The following DLGAP1 variants were observed in gnomAD, a reference collection of about 807,000 sequenced individuals.
The protein encoded by DLGAP1 is DLG associated protein 1, also known as disks large-associated protein 1.
DLGAP1 carries 11 observed loss-of-function variants against 90.8 expected under a neutral mutation model. The ratio of observed to expected loss-of-function variants is 0.12; its 90% CI spans 0.08 to 0.20. The LOEUF is 0.20. DLGAP1 is among the 10% of genes least tolerant of loss of function. DLGAP1 has a pLI of 1.00. For synonymous variants in DLGAP1, 558 were observed against 540.7 expected (o/e 1.03, Z -0.44); for missense variants, 1,050 against 1,333.8 (o/e 0.79, Z 3.31).
intron 3 of DLGAP1, among the ~76,000 whole-genome samples, chr18:3,909,844 C>T (rs566273353): frequency 6.6e-6 from 1 of 152,200 alleles, no homozygotes; most frequent in South Asian, 2.1e-4. Flanking sequence ...TTATTACCTA[C>T]ATAATTTTCT....
chr18:4,453,780 T>C (rs1200671893), intron 1 of DLGAP1, among the ~76,000 whole-genome samples: 5 of 152,320 alleles, frequency 3.3e-5, no homozygotes, highest in Admixed American at 6.5e-5. Context: ...TCACGTGTTA[T>C]GGAAGGAGGC....
chr18:3,881,079 C>T (rs375551994), intron 3 of DLGAP1, among the ~76,000 whole-genome samples: 31 of 149,306 alleles, frequency 2.1e-4, no homozygotes, highest in African/African-American at 7.6e-4. Context: ...CTGGATGTAT[C>T]GTTCTCTTGC....
chr18:3,888,834 T>G (rs151032677), intron 3 of DLGAP1, among the ~76,000 whole-genome samples: 260 of 152,344 alleles, frequency 1.7e-3, no homozygotes, highest in African/African-American at 5.8e-3. Flanking sequence ...TATTTTGGAC[T>G]GACAGAGTTC....
At chr18:4,098,554 G>T (rs1378236057) in intron 2 of DLGAP1, among the ~76,000 whole-genome samples, 1 of 152,022 alleles carries the variant, frequency 6.6e-6, no homozygotes, top group Non-Finnish European at 1.5e-5. Context: ...CTTAAAGAAA[G>T]AACAAATGGG....
intron 10 of DLGAP1, among the ~76,000 whole-genome samples, chr18:3,522,954 T>G (rs2051310227): frequency 6.6e-6 from 1 of 152,174 alleles, no homozygotes. Context: ...AGGGAAAGGT[T>G]CCTCAACATT....
intron 1 of DLGAP1, among the ~76,000 whole-genome samples, chr18:4,430,394 T>G (rs1432474042): frequency 6.6e-6 from 1 of 152,156 alleles, no homozygotes; most frequent in African/African-American, 2.4e-5. Flanking sequence ...TTTTGTGACC[T>G]TGGACATGTT....
At chr18:3,535,633 G>A (rs746232044) in intron 9 of DLGAP1, among the ~76,000 whole-genome samples, 7 of 150,232 alleles carry the variant, frequency 4.7e-5, no homozygotes, top group Non-Finnish European at 8.9e-5. Context: ...GCATGAACCC[G>A]GGAGGCGGAG....
chr18:4,017,911 C>T (rs954147271), intron 2 of DLGAP1, among the ~76,000 whole-genome samples: 3 of 151,702 alleles, frequency 2.0e-5, no homozygotes, highest in African/African-American at 7.3e-5. Flanking sequence ...TGGCAACATT[C>T]GGTTGGACCA....
At chr18:3,637,574 C>CAAAAA (rs35620201) in intron 7 of DLGAP1, among the ~76,000 whole-genome samples, 1 of 94,956 alleles carries the variant, frequency 1.1e-5, no homozygotes, top group Non-Finnish European at 2.2e-5. Context: ...TCTCCCCCAC[C>CAAAAA]AAAAAAAAAA....
At chr18:4,298,433 C>T (rs554614237) in intron 1 of DLGAP1, among the ~76,000 whole-genome samples, 17 of 152,308 alleles carry the variant, frequency 1.1e-4, no homozygotes, top group Admixed American at 3.3e-4. Context: ...CCATGGAATA[C>T]TATGCAGCCA....
At chr18:4,048,152 T>C (rs1270031389) in intron 2 of DLGAP1, among the ~76,000 whole-genome samples, 1 of 152,216 alleles carries the variant, frequency 6.6e-6, no homozygotes, top group Non-Finnish European at 1.5e-5. Flanking sequence ...GACTATCCCA[T>C]GTTCATTTGA....
intron 1 of DLGAP1, among the ~76,000 whole-genome samples, chr18:4,317,157 T>G (rs559228647): frequency 5.4e-4 from 83 of 152,364 alleles, no homozygotes; most frequent in African/African-American, 2.0e-3. Context: ...GATGCCTTCC[T>G]ATTTCACATC....
At chr18:3,693,202 C>A (rs190200210) in intron 7 of DLGAP1, among the ~76,000 whole-genome samples, 1 of 152,128 alleles carries the variant, frequency 6.6e-6, no homozygotes, top group Non-Finnish European at 1.5e-5. Flanking sequence ...CCTGCCTCAG[C>A]GTCTTGAATA....
At chr18:3,600,971 TAGATATATAG>T (rs1160197618) in intron 7 of DLGAP1, among the ~76,000 whole-genome samples, 1 of 112,822 alleles carries the variant, frequency 8.9e-6, no homozygotes, top group Non-Finnish European at 1.8e-5. Flanking sequence ...GATATATAGA[TAGATATATAG>T]ATATAGATAT....
intron 10 of DLGAP1, among the ~76,000 whole-genome samples, chr18:3,528,870 A>T (rs1249909502): frequency 6.6e-6 from 1 of 152,084 alleles, no homozygotes; most frequent in Non-Finnish European, 1.5e-5. Context: ...ATGAAAAAAT[A>T]GAGAAAGCCT....
At chr18:4,063,110 T>TA (rs1167152069) in intron 2 of DLGAP1, among the ~76,000 whole-genome samples, 13 of 152,214 alleles carry the variant, frequency 8.5e-5, no homozygotes, top group African/African-American at 2.9e-4. Context: ...CTATACTTTA[T>TA]AAAAAAGCTT....
rs2059642646 is a variant in DLGAP1, at chr18:3,660,310, T to A, written c.1591+68825A>T. ...AGGTACCTGTCACCACAACTGGCTTTCTTTTATTTTTTAAAAATAGCACTT... is the reference window on the plus strand; with the variant it reads ...AGGTACCTGTCACCACAACTGGCTTACTTTTATTTTTTAAAAATAGCACTT... On this transcript the variant is annotated intron_variant, in intron 7 of 12. Coordinates refer to ENST00000315677, the MANE Select transcript of DLGAP1 (RefSeq NM_004746.4). This position sits in a 1 kb window ranked among gnomAD's most constrained non-coding sequence, Gnocchi z 4.2. Among the ~76,000 whole-genome samples the A allele has an allele frequency of 6.6e-6, 1 of 152,180 alleles. No homozygotes were observed. Among genetic ancestry groups the A allele is most frequent in the Non-Finnish European group, 1.5e-5 (1 of 68,022 alleles).
intron 7 of DLGAP1, among the ~76,000 whole-genome samples, chr18:3,664,183 T>TAC (rs35653599): frequency 0.11 from 15,527 of 135,604 alleles, 927 homozygotes; most frequent in Non-Finnish European, 0.15. Flanking sequence ...TGGGTCAGTA[T>TAC]ACACACACAC....
chr18:4,408,476 C>T lies in DLGAP1; in HGVS notation c.-267+46530G>A, dbSNP rs962318110. On this transcript the variant is annotated intron_variant, in intron 1 of 12. Transcript: ENST00000315677. ...CCATAAATGATAAACAAACAGAAAA[C>T]CAAAAAAGAATATGTCAAAATTACA... is the stretch of plus-strand genomic sequence containing the variant. Among the ~76,000 whole-genome samples, 5 of 151,018 alleles carry T rather than the reference C, an allele frequency of 3.3e-5. No homozygotes were observed. The South Asian group carries it at 8.4e-4, about 25-fold the overall frequency.
Sources: gnomAD v4.1 joint callset for allele counts (sites outside exome capture counted in the v4.1 genomes callset) on GRCh38, gnomAD v4.1.1 for gene constraint, Gnocchi (gnomAD v3.1) non-coding constraint, MANE v1.5 for transcripts, NCBI Gene and HGNC (gene_info 2026-07-23, HGNC 2026-07-21) for gene names.